Variants in GPHN observed in about 807,000 individuals in gnomAD.
GPHN encodes the protein gephyrin.
Under a neutral mutation model 95.5 loss-of-function variants are expected in GPHN, and 17 were observed. That is an observed-to-expected ratio of 0.18 (90% CI 0.12 to 0.27). GPHN has a LOEUF of 0.27. Ranked by LOEUF, GPHN falls within the 10% of genes least tolerant of loss-of-function variation. The pLI is 1.00. For synonymous variants in GPHN, 320 were observed against 322.5 expected, an observed-to-expected ratio of 0.99 and a Z score of 0.08; for missense variants, 660 against 978.1, an observed-to-expected ratio of 0.67 and a Z score of 4.34.
At chr14:66,756,345 C>T (rs1200757254) in intron 2 of GPHN, among the ~76,000 whole-genome samples, 1 of 151,984 alleles carries the variant, frequency 6.6e-6, no homozygotes, top group Non-Finnish European at 1.5e-5. Flanking sequence ...TCCTGTGAGG[C>T]ATATGATGAT....
chr14:67,123,932 A>G (rs961557504), intron 17 of GPHN, among the ~76,000 whole-genome samples: 1 of 152,218 alleles, frequency 6.6e-6, no homozygotes. Context: ...CCTTGGACAC[A>G]AGCATCTTGC....
At chr14:66,958,536 A>G (rs2068685440) in intron 8 of GPHN, among the ~76,000 whole-genome samples, 1 of 152,214 alleles carries the variant, frequency 6.6e-6, no homozygotes, top group Non-Finnish European at 1.5e-5. Flanking sequence ...CTACACACCT[A>G]AGCCAAATGG....
intron 1 of GPHN, among the ~76,000 whole-genome samples, chr14:66,524,333 A>G (rs2058600229): frequency 6.6e-6 from 1 of 152,100 alleles, no homozygotes; most frequent in South Asian, 2.1e-4. Context: ...TATATGTTTG[A>G]GGTTAAATAA....
the GPHN span, chr14:67,656,562 G>T: frequency 6.2e-7 from 1 of 1,612,440 alleles, no homozygotes; most frequent in East Asian, 2.2e-5. Context: ...CCCTGCAGAA[G>T]CATTGCCCTT....
chr14:66,605,306 A>G (rs1235710625), intron 1 of GPHN, among the ~76,000 whole-genome samples: 1 of 152,082 alleles, frequency 6.6e-6, no homozygotes, highest in African/African-American at 2.4e-5. Flanking sequence ...ACTAACTTGC[A>G]TTCCCACCAA....
intron 1 of GPHN, among the ~76,000 whole-genome samples, chr14:66,522,324 C>T (rs554079854): frequency 1.3e-5 from 2 of 152,142 alleles, no homozygotes; most frequent in East Asian, 3.9e-4. Flanking sequence ...ACAAATGGTG[C>T]CTCCCAGTGT....
chr14:66,546,797 GA>G (rs1464779456), intron 1 of GPHN, among the ~76,000 whole-genome samples: 24 of 147,674 alleles, frequency 1.6e-4, no homozygotes, highest in Admixed American at 1.2e-3. Context: ...GGGAGAGGGA[GA>G]GGGGGAGGGG....
chr14:66,516,032 G>A (rs2045420), intron 1 of GPHN, among the ~76,000 whole-genome samples: 46,965 of 150,422 alleles, frequency 0.31, 11,065 homozygotes, highest in African/African-American at 0.64. Flanking sequence ...TTTTTGAGAC[G>A]GACTCACTCT....
intron 3 of GPHN, among the ~76,000 whole-genome samples, chr14:66,793,660 A>G (rs892844581): frequency 1.7e-4 from 26 of 152,092 alleles, no homozygotes; most frequent in Non-Finnish European, 2.6e-4. Flanking sequence ...ATGTGTAGTA[A>G]TGGCACAAAA....
intron 2 of GPHN, among the ~76,000 whole-genome samples, chr14:66,707,063 AAAAC>A (rs1319360539): frequency 2.6e-5 from 4 of 152,140 alleles, no homozygotes; most frequent in East Asian, 3.9e-4. Context: ...AAAAAAAAAA[AAAAC>A]AACATCACTG....
chr14:67,338,128 C>T, the GPHN span: 1 of 152,874 alleles, frequency 6.5e-6, no homozygotes, highest in Admixed American at 6.5e-5. Context: ...GGCAGAATGG[C>T]TCCCATGACA....
At chr14:66,721,786 A>G (rs1186960098) in intron 2 of GPHN, among the ~76,000 whole-genome samples, 1 of 152,026 alleles carries the variant, frequency 6.6e-6, no homozygotes, top group Non-Finnish European at 1.5e-5. Flanking sequence ...CCTCGTTTCT[A>G]TCAAAAATAC....
At chr14:66,686,899 G>A (rs927906247) in intron 2 of GPHN, among the ~76,000 whole-genome samples, 3 of 152,068 alleles carry the variant, frequency 2.0e-5, no homozygotes, top group African/African-American at 4.8e-5. Flanking sequence ...GTCATAAATA[G>A]CTATTATTGT....
the GPHN span, chr14:67,412,119 G>A: frequency 1.0e-4 from 148 of 1,423,406 alleles, no homozygotes; most frequent in Non-Finnish European, 1.3e-4. Flanking sequence ...CGCGCTCCTC[G>A]GCACCCGCGC....
chr14:67,202,522 C>A, the GPHN span, among the ~76,000 whole-genome samples: 1 of 152,176 alleles, frequency 6.6e-6, no homozygotes, highest in Non-Finnish European at 1.5e-5. Context: ...CAAAACTCAT[C>A]ATTCCTATTC....
rs181811361 is a variant in GPHN at position 66,776,367 on chromosome 14, G to A, written c.144-97G>A. The A allele has an allele frequency of 8.5e-5, 68 of 801,926 alleles. No homozygotes were observed. The East Asian group carries it at 1.5e-3, about 18-fold the overall frequency. 49.7% of individuals were successfully genotyped at this position (801,926 alleles called of 1,614,324 possible). Reference sequence around the variant, plus strand: ...CCATGGTTGTTGGGGTGAATACTGGGAGTTATTGGTAGCATTCTGATGGTA... The same window carrying A: ...CCATGGTTGTTGGGGTGAATACTGGAAGTTATTGGTAGCATTCTGATGGTA... On this transcript the variant is annotated intron_variant, in intron 2 of 22. Transcript: ENST00000478722.
chr14:66,956,585 T>C (rs2068521415), intron 8 of GPHN, among the ~76,000 whole-genome samples: 1 of 151,920 alleles, frequency 6.6e-6, no homozygotes, highest in Non-Finnish European at 1.5e-5. Context: ...TTCTAACTGG[T>C]GTGAGATGGT....
intron 4 of GPHN, among the ~76,000 whole-genome samples, chr14:66,846,775 A>T (rs963198872): frequency 1.3e-5 from 2 of 152,162 alleles, no homozygotes; most frequent in African/African-American, 4.8e-5. Context: ...TTTCATAGTA[A>T]AGAGTAGAAA....
intron 1 of GPHN, among the ~76,000 whole-genome samples, chr14:66,596,496 C>G (rs778987534): frequency 2.6e-5 from 4 of 152,184 alleles, no homozygotes; most frequent in African/African-American, 4.8e-5. Flanking sequence ...CCCTGTCAGC[C>G]TTTCTCCCAT....
Sources: gnomAD v4.1 joint callset for allele counts (sites outside exome capture counted in the v4.1 genomes callset) on GRCh38, gnomAD v4.1.1 for gene constraint, MANE v1.5 for transcripts, NCBI Gene and HGNC (gene_info 2026-07-23, HGNC 2026-07-21) for gene names.